CHST11: variants seen among roughly 807,000 people sequenced by gnomAD.
The protein encoded by CHST11 is C4S-1.
Under a neutral mutation model 30.4 loss-of-function variants are expected in CHST11, and 9 were observed. That is an observed-to-expected ratio of 0.30 (90% confidence interval 0.18 to 0.52). CHST11 has a LOEUF of 0.52. Ranked by LOEUF, CHST11 falls within the 20% of genes least tolerant of loss-of-function variation. The probability of loss-of-function intolerance (pLI) is 0.97; values close to 1 mark genes in which losing one functional copy is unlikely to be tolerated. For synonymous variants in CHST11, 152 were observed against 187.8 expected (o/e 0.81, Z 1.56); for missense variants, 348 against 460.6 (o/e 0.76, Z 2.24).
At chr12:104,696,975 G>A (rs1216759991) in intron 2 of CHST11, among the ~76,000 whole-genome samples, 1 of 152,170 alleles carries the variant, frequency 6.6e-6, no homozygotes, top group Admixed American at 6.5e-5. Flanking sequence ...ACTGTATCAT[G>A]TTCCATCATA....
intron 2 of CHST11, among the ~76,000 whole-genome samples, chr12:104,629,231 T>G (rs79941977): frequency 0.17 from 26,575 of 152,232 alleles, 2,408 homozygotes; most frequent in Admixed American, 0.23. Context: ...AACATACTTT[T>G]TTTAAATCCC....
At chr12:104,593,426 C>T (rs545414145) in intron 1 of CHST11, among the ~76,000 whole-genome samples, 11 of 152,266 alleles carry the variant, frequency 7.2e-5, no homozygotes, top group Non-Finnish European at 1.3e-4. Flanking sequence ...TTGATAATGG[C>T]ATGAATGACA....
At chr12:104,548,509 A>G (rs905751655) in intron 1 of CHST11, among the ~76,000 whole-genome samples, 93 of 152,316 alleles carry the variant, frequency 6.1e-4, no homozygotes, top group African/African-American at 2.1e-3. Flanking sequence ...GGGAGAGAGA[A>G]AAGGGAAGAA....
At chr12:104,473,806 T>C (rs1211362980) in intron 1 of CHST11, among the ~76,000 whole-genome samples, 1 of 152,052 alleles carries the variant, frequency 6.6e-6, no homozygotes, top group African/African-American at 2.4e-5. Context: ...TTTTCTCTGC[T>C]AGACTGTAGC....
intron 1 of CHST11, among the ~76,000 whole-genome samples, chr12:104,490,144 C>T (rs1320510799): frequency 6.6e-6 from 1 of 152,204 alleles, no homozygotes; most frequent in Non-Finnish European, 1.5e-5. Context: ...GTGCACAGAC[C>T]AGGTGGCTCT....
intron 1 of CHST11, among the ~76,000 whole-genome samples, chr12:104,530,441 A>G (rs1420980238): frequency 6.6e-6 from 1 of 152,126 alleles, no homozygotes; most frequent in Non-Finnish European, 1.5e-5. Context: ...TTTTATACCC[A>G]GAGGCTGGCA....
At chr12:104,740,534 G>T (rs2040337927) in intron 2 of CHST11, among the ~76,000 whole-genome samples, 2 of 152,192 alleles carry the variant, frequency 1.3e-5, no homozygotes, top group Admixed American at 1.3e-4. Context: ...GCTGCTTTCT[G>T]GGAGTGGGTG....
rs776564053 is a variant in CHST11, at chr12:104,756,957, C to G, written c.213C>G (p.Leu71=). The change falls in exon 3 of 3, where the codon CTC becomes CTG. Residue 71 remains leucine, a synonymous_variant. Transcript: ENST00000303694. The stretch of plus-strand genomic sequence containing the variant: ...TTGTGTCTCCTCTGCAGCTGGAGCT[C>G]TCAAACACTGCTGTCCTGCACCAGA... ...QELYNPIQLE[L]SNTAVLHQMR... The G allele has an allele frequency of 1.2e-5, 20 of 1,611,536 alleles. No individual in the cohort carries two copies. Among genetic ancestry groups the G allele is most frequent in the Non-Finnish European group, 6.8e-6 (8 of 1,178,742 alleles).
intron 2 of CHST11, among the ~76,000 whole-genome samples, chr12:104,648,995 CCT>C (rs2039464998): frequency 6.6e-6 from 1 of 152,180 alleles, no homozygotes; most frequent in South Asian, 2.1e-4. Context: ...CCCCTTCCTG[CCT>C]CTCTTCCTTT....
At chr12:104,640,339 A>G (rs1402801055) in intron 2 of CHST11, among the ~76,000 whole-genome samples, 1 of 152,220 alleles carries the variant, frequency 6.6e-6, no homozygotes, top group Non-Finnish European at 1.5e-5. Context: ...ATACCCTTAT[A>G]CAGGTGAAGG....
At chr12:104,469,326 T>TG (rs2037486192) in intron 1 of CHST11, among the ~76,000 whole-genome samples, 1 of 152,246 alleles carries the variant, frequency 6.6e-6, no homozygotes, top group Non-Finnish European at 1.5e-5. Flanking sequence ...ATCAGCCTTG[T>TG]GTTTTTTTGC....
intron 1 of CHST11, among the ~76,000 whole-genome samples, chr12:104,557,197 G>A (rs932557706): frequency 2.0e-5 from 3 of 152,154 alleles, no homozygotes; most frequent in Non-Finnish European, 2.9e-5. Flanking sequence ...CAGTGGGGAT[G>A]TCTGTAAGGC....
intron 2 of CHST11, among the ~76,000 whole-genome samples, chr12:104,732,241 C>T (rs1268313447): frequency 6.6e-6 from 1 of 152,160 alleles, no homozygotes; most frequent in African/African-American, 2.4e-5. Context: ...AGGAGCCTGT[C>T]CTTCTGTTCG....
At chr12:104,546,776 C>T (rs1164301045) in intron 1 of CHST11, among the ~76,000 whole-genome samples, 1 of 152,102 alleles carries the variant, frequency 6.6e-6, no homozygotes, top group Admixed American at 6.5e-5. Flanking sequence ...CAAAGCAAAA[C>T]AAGTCCAGAA....
rs372614432 is a variant in CHST11, at chr12:104,586,173, G to A, written c.119-15733G>A. 1.1e-4 allele frequency among the ~76,000 whole-genome samples: 17 copies of A among 152,318 alleles called. No homozygotes were observed. The East Asian group carries it at 2.9e-3, about 26-fold the overall frequency. On this transcript the variant is annotated intron_variant, in intron 1 of 2. Transcript: ENST00000303694. ...GATATGAATTTTGGAGGGACACTGTGCAGTCCACTGTACCATGGTCATAGC... is the reference window on the plus strand; with the variant it reads ...GATATGAATTTTGGAGGGACACTGTACAGTCCACTGTACCATGGTCATAGC...
At chr12:104,503,889 G>A (rs1043666042) in intron 1 of CHST11, among the ~76,000 whole-genome samples, 9 of 152,186 alleles carry the variant, frequency 5.9e-5, no homozygotes, top group Non-Finnish European at 1.3e-4. Flanking sequence ...AGAAAATTTT[G>A]TGTGGAGAGG....
At chr12:104,675,534 G>A (rs2039733180) in intron 2 of CHST11, among the ~76,000 whole-genome samples, 1 of 152,202 alleles carries the variant, frequency 6.6e-6, no homozygotes, top group Non-Finnish European at 1.5e-5. Flanking sequence ...AGAAATAAAT[G>A]AATGAATGAA....
chr12:104,720,878 G>A (rs1397859487), intron 2 of CHST11, among the ~76,000 whole-genome samples: 1 of 152,158 alleles, frequency 6.6e-6, no homozygotes, highest in Non-Finnish European at 1.5e-5. Context: ...TATAGACGCC[G>A]TTCACCTCTC....
At chr12:104,713,837 G>A (rs2040107494) in intron 2 of CHST11, among the ~76,000 whole-genome samples, 1 of 152,230 alleles carries the variant, frequency 6.6e-6, no homozygotes, top group East Asian at 1.9e-4. Flanking sequence ...AGCAGAGGCT[G>A]CCTGAAGAGT....
Sources: gnomAD v4.1 joint callset for allele counts (sites outside exome capture counted in the v4.1 genomes callset) on GRCh38, gnomAD v4.1.1 for gene constraint, MANE v1.5 for transcripts, NCBI Gene and HGNC (gene_info 2026-07-23, HGNC 2026-07-21) for gene names.